MOB1B: variants seen among roughly 807,000 people sequenced by gnomAD.
The protein encoded by MOB1B is MOB1 Mps One Binder homolog B.
MOB1B carries 19 observed loss-of-function variants against 24.4 expected under a neutral mutation model. That is an observed-to-expected ratio of 0.78 (90% CI 0.54 to 1.14). The LOEUF (loss-of-function observed/expected upper bound fraction) is 1.14, where lower values mean the gene tolerates loss of function less well. Among genes scored for constraint, MOB1B ranks in the 50% most tolerant of loss-of-function variants. MOB1B has a pLI of 0.00. For missense variants in MOB1B, 243 were observed against 259.6 expected (o/e 0.94, Z 0.44); for synonymous variants, 76 against 82.1 (o/e 0.93, Z 0.40).
At position 70,982,277 on chromosome 4, in the gene MOB1B, T is replaced by C; in HGVS notation, c.*220T>C. On this transcript the variant is annotated 3_prime_UTR_variant, in exon 6 of 6. Coordinates refer to ENST00000309395, the MANE Select transcript of MOB1B (RefSeq NM_173468.4). ...TATACACTTGATAAGGGTAAATTTA[T>C]CTTAGTGTTTTTAAACTTGGTTTTG... 2.8e-6 allele frequency: 1 copy of C among 358,770 alleles called. No homozygotes were observed. Among genetic ancestry groups the C allele is most frequent in the Non-Finnish European group, 5.0e-6 (1 of 199,202 alleles). 22.2% of individuals were successfully genotyped at this position (358,770 alleles called of 1,614,324 possible). A position where few individuals can be genotyped will look rare whatever the true frequency, so the allele number is the denominator to read the frequency against.
At chr4:70,953,575 T>TC (rs1418327552) in intron 1 of MOB1B, among the ~76,000 whole-genome samples, 1 of 152,150 alleles carries the variant, frequency 6.6e-6, no homozygotes, top group East Asian at 1.9e-4. Flanking sequence ...AAAGTCATTT[T>TC]CCGGACTCTC....
intron 1 of MOB1B, among the ~76,000 whole-genome samples, chr4:70,949,909 C>G (rs542215287): frequency 1.4e-4 from 21 of 148,648 alleles, no homozygotes; most frequent in Non-Finnish European, 2.4e-4. Context: ...ACCCTGTCTT[C>G]AAAAAAATAC....
chr4:70,963,744 C>T (rs187692624), intron 2 of MOB1B, among the ~76,000 whole-genome samples: 3 of 152,220 alleles, frequency 2.0e-5, no homozygotes, highest in Admixed American at 1.3e-4. Context: ...CGCTTGAGCC[C>T]AGAAGGTGGA....
At chr4:70,946,351 T>C (rs1290692997) in intron 1 of MOB1B, among the ~76,000 whole-genome samples, 2 of 152,224 alleles carry the variant, frequency 1.3e-5, no homozygotes, top group African/African-American at 4.8e-5. Flanking sequence ...TAAACATTTA[T>C]TACGCATTCC....
At chr4:70,911,314 C>T (rs1303085438) in intron 1 of MOB1B, among the ~76,000 whole-genome samples, 2 of 151,636 alleles carry the variant, frequency 1.3e-5, no homozygotes, top group Non-Finnish European at 2.9e-5. Flanking sequence ...ATATATTCTC[C>T]ACTGTAAGGT....
intron 2 of MOB1B, among the ~76,000 whole-genome samples, chr4:70,968,823 A>G (rs141762287): frequency 2.8e-3 from 428 of 152,090 alleles, no homozygotes; most frequent in Middle Eastern, 0.01. Context: ...GGGTCTTGCT[A>G]TGTTCCCCAG....
chr4:70,976,622 AT>A, intron 4 of MOB1B: 8 of 980,970 alleles, frequency 8.2e-6, no homozygotes, highest in Non-Finnish European at 9.7e-6. Context: ...ACATTTTACG[AT>A]TTTTTTTGAA....
rs184540674 is a variant in MOB1B at position 70,925,464 on chromosome 4, C to A, written c.14+22914C>A. Among the ~76,000 whole-genome samples the A allele has an allele frequency of 5.9e-5, 9 of 152,050 alleles. No homozygotes were observed. In the East Asian group the frequency reaches 1.7e-3, roughly 29 times the overall value. On this transcript the variant is annotated intron_variant, in intron 1 of 5. Coordinates refer to ENST00000309395, the MANE Select transcript of MOB1B (RefSeq NM_173468.4). ...ACTTAACATTAAGGAAGAAAAATAC[C>A]ACTGTCATTTTATGTAGCAGAAGAA...
chr4:70,927,662 G>A (rs1466552491), intron 1 of MOB1B, among the ~76,000 whole-genome samples: 1 of 152,118 alleles, frequency 6.6e-6, no homozygotes, highest in Non-Finnish European at 1.5e-5. Flanking sequence ...TGTTTTTATT[G>A]TGTGGATGCG....
intron 1 of MOB1B, among the ~76,000 whole-genome samples, chr4:70,913,578 A>G (rs1736084087): frequency 6.6e-6 from 1 of 152,132 alleles, no homozygotes; most frequent in Non-Finnish European, 1.5e-5. Flanking sequence ...GGTGTGCGCC[A>G]CCGTGCCCAG....
In MOB1B at chr4:70,975,150, C is replaced by T. The variant is rs1266570976; in HGVS notation, c.276-3C>T. 1.9e-6 allele frequency: 3 copies of T among 1,596,850 alleles called. No individual in the cohort carries two copies. Among genetic ancestry groups the T allele is most frequent in the Non-Finnish European group, 2.6e-6 (3 of 1,173,558 alleles). On this transcript the variant is annotated splice_polypyrimidine_tract_variant and splice_region_variant and intron_variant, in intron 3 of 5. Coordinates refer to ENST00000309395, the MANE Select transcript of MOB1B (RefSeq NM_173468.4). ...CTGTGTGCTTTTTATCTCTCCAATG[C>T]AGATATGAGTATCATTGGGCAGATG...
At chr4:70,946,084 C>CTTTTTTTTTTTT in intron 1 of MOB1B, among the ~76,000 whole-genome samples, 1 of 85,386 alleles carries the variant, frequency 1.2e-5, no homozygotes, top group Non-Finnish European at 2.4e-5. Context: ...TTTGTTTGTT[C>CTTTTTTTTTTTT]TTTTTTTTTT....
chr4:70,921,991 C>G (rs933798988), intron 1 of MOB1B, among the ~76,000 whole-genome samples: 2 of 152,240 alleles, frequency 1.3e-5, no homozygotes, highest in East Asian at 3.9e-4. Flanking sequence ...TCATAAATAA[C>G]CTTTTAAATC....
chr4:70,969,708 T>A (rs1200446517), intron 2 of MOB1B, among the ~76,000 whole-genome samples: 1 of 152,232 alleles, frequency 6.6e-6, no homozygotes, highest in Non-Finnish European at 1.5e-5. Flanking sequence ...TTGTATGCGT[T>A]GCAAATAATC....
chr4:70,964,202 A>G (rs1266594668), intron 2 of MOB1B, among the ~76,000 whole-genome samples: 2 of 152,238 alleles, frequency 1.3e-5, no homozygotes, highest in African/African-American at 2.4e-5. Flanking sequence ...TCTTTCAGTA[A>G]CAGATAGAAA....
intron 1 of MOB1B, among the ~76,000 whole-genome samples, chr4:70,948,320 C>T (rs1018904887): frequency 3.9e-5 from 6 of 152,140 alleles, no homozygotes; most frequent in African/African-American, 1.2e-4. Flanking sequence ...TTAATTGAGA[C>T]GTAGTCACAT....
At chr4:70,977,114 T>G (rs1160433374) in intron 4 of MOB1B, among the ~76,000 whole-genome samples, 1 of 152,164 alleles carries the variant, frequency 6.6e-6, no homozygotes. Flanking sequence ...GATATCAAAC[T>G]TAGGAAATTT....
At chr4:70,943,344 G>A (rs1330471629) in intron 1 of MOB1B, among the ~76,000 whole-genome samples, 1 of 152,154 alleles carries the variant, frequency 6.6e-6, no homozygotes, top group Non-Finnish European at 1.5e-5. Flanking sequence ...TGTTATAACT[G>A]TGATGATCTT....
intron 1 of MOB1B, among the ~76,000 whole-genome samples, chr4:70,914,803 C>G (rs1736134128): frequency 6.6e-6 from 1 of 152,208 alleles, no homozygotes; most frequent in Admixed American, 6.5e-5. Flanking sequence ...TCTGGCCACC[C>G]TCTCTGGCCT....
Sources: allele counts gnomAD v4.1 joint callset (sites outside exome capture counted in the v4.1 genomes callset), GRCh38; gene constraint gnomAD v4.1.1; transcripts MANE v1.5; gene names NCBI Gene and HGNC (gene_info 2026-07-23, HGNC 2026-07-21).